CCDC192: variants seen among roughly 807,000 people sequenced by gnomAD.
CCDC192 encodes the protein coiled-coil domain containing 192.
At chr5:127,912,162 C>T (rs1753383267) in intron 6 of CCDC192, among the ~76,000 whole-genome samples, 1 of 151,026 alleles carries the variant, frequency 6.6e-6, no homozygotes, top group Non-Finnish European at 1.5e-5. Context: ...GAACTCCTGA[C>T]CTCATGATCC....
intron 5 of CCDC192, among the ~76,000 whole-genome samples, chr5:127,836,592 T>A (rs1750048049): frequency 6.6e-6 from 1 of 152,218 alleles, no homozygotes; most frequent in Non-Finnish European, 1.5e-5. Flanking sequence ...TCCTCTGAAA[T>A]CTAAGCAGAA....
chr5:127,776,842 C>T (rs1304147485), intron 3 of CCDC192, among the ~76,000 whole-genome samples: 28 of 152,198 alleles, frequency 1.8e-4, no homozygotes, highest in Admixed American at 1.7e-3. Flanking sequence ...TGGTGTTGAG[C>T]CTGCGCGTGC....
chr5:127,890,958 T>G (rs951214420), intron 6 of CCDC192, among the ~76,000 whole-genome samples: 1 of 152,182 alleles, frequency 6.6e-6, no homozygotes, highest in Admixed American at 6.5e-5. Context: ...CATGTTTTTT[T>G]CCCCATAGAT....
chr5:127,887,367 CAATAGGATGGCA>C, intron 6 of CCDC192, among the ~76,000 whole-genome samples: 1 of 144,744 alleles, frequency 6.9e-6, no homozygotes, highest in Non-Finnish European at 1.5e-5. Context: ...ATGTATAAGG[CAATAGGATGGCA>C]AAATTCTTTA....
At chr5:127,938,421 A>G (rs1249217628) in intron 6 of CCDC192, among the ~76,000 whole-genome samples, 3 of 152,126 alleles carry the variant, frequency 2.0e-5, no homozygotes, top group African/African-American at 7.2e-5. Flanking sequence ...CTCTCAAACA[A>G]TATCTGTGCA....
At chr5:127,822,596 G>A (rs372283999) in intron 5 of CCDC192, among the ~76,000 whole-genome samples, 6 of 152,188 alleles carry the variant, frequency 3.9e-5, no homozygotes, top group African/African-American at 1.4e-4. Context: ...TCTTTGCCAT[G>A]ATGTGGTCAG....
chr5:127,890,922 C>T (rs1230823951), intron 6 of CCDC192, among the ~76,000 whole-genome samples: 1 of 152,192 alleles, frequency 6.6e-6, no homozygotes, highest in Admixed American at 6.5e-5. Context: ...CTCAGATGAA[C>T]ACATAATTTT....
In CCDC192 at chr5:127,703,416, G is replaced by T. The variant is rs1750788105; in HGVS notation, c.-30G>T. On this transcript the variant is annotated 5_prime_UTR_variant, in exon 1 of 7. Transcript: ENST00000514853. ...GATGCCTGTTGACGTCTGTCCCAGG[G>T]ACAGGGGATCCCAGTGGGTCTGGCT... 5.0e-6 allele frequency: 2 copies of T among 398,886 alleles called. No individual in the cohort carries two copies. The highest frequency in any genetic ancestry group is 8.8e-6 in the Non-Finnish European group (2 of 226,078). The allele number at this position is 398,886 out of a possible 1,614,324, so 24.7% of individuals were successfully genotyped here.
At chr5:127,836,460 G>T (rs1043342020) in intron 5 of CCDC192, among the ~76,000 whole-genome samples, 1 of 152,184 alleles carries the variant, frequency 6.6e-6, no homozygotes, top group African/African-American at 2.4e-5. Flanking sequence ...GTGCCCCAGT[G>T]GGGACTCTGT....
intron 6 of CCDC192, among the ~76,000 whole-genome samples, chr5:127,939,687 G>T (rs1580848923): frequency 6.9e-6 from 1 of 144,858 alleles, no homozygotes; most frequent in Non-Finnish European, 1.5e-5. Context: ...TTATTTTTAT[G>T]TTTTTTTTTT....
intron 5 of CCDC192, among the ~76,000 whole-genome samples, chr5:127,823,425 G>A (rs913114857): frequency 1.5e-4 from 23 of 152,168 alleles, no homozygotes; most frequent in African/African-American, 5.1e-4. Flanking sequence ...ATGAGTGGGT[G>A]TCACATTTTA....
intron 5 of CCDC192, among the ~76,000 whole-genome samples, chr5:127,809,678 CAT>C (rs1248238137): frequency 1.3e-5 from 2 of 152,138 alleles, no homozygotes; most frequent in Middle Eastern, 3.2e-3. Context: ...GCTAGTATTG[CAT>C]ATAGTTTTAA....
intron 2 of CCDC192, among the ~76,000 whole-genome samples, chr5:127,717,425 A>G (rs1751684456): frequency 6.6e-6 from 1 of 151,962 alleles, no homozygotes; most frequent in Non-Finnish European, 1.5e-5. Flanking sequence ...TTCTCTGCAG[A>G]AAAAAGCTTC....
intron 5 of CCDC192, among the ~76,000 whole-genome samples, chr5:127,869,295 C>A (rs1487980641): frequency 6.6e-6 from 1 of 151,962 alleles, no homozygotes; most frequent in South Asian, 2.1e-4. Context: ...CTGCGTTCCA[C>A]CCTGGGCAAT....
intron 3 of CCDC192, among the ~76,000 whole-genome samples, chr5:127,761,774 T>C (rs1272464326): frequency 2.0e-5 from 3 of 152,208 alleles, no homozygotes; most frequent in Non-Finnish European, 4.4e-5. Context: ...TATATTTATG[T>C]GTATTGTTAT....
intron 6 of CCDC192, among the ~76,000 whole-genome samples, chr5:127,879,741 G>GA (rs1752269826): frequency 2.1e-5 from 2 of 93,864 alleles, no homozygotes; most frequent in East Asian, 3.0e-4. Context: ...AAATTTACAA[G>GA]AAAAAAACAA....
chr5:127,847,696 C>T (rs1025401515), intron 5 of CCDC192, among the ~76,000 whole-genome samples: 22 of 151,870 alleles, frequency 1.4e-4, no homozygotes, highest in African/African-American at 2.2e-4. Flanking sequence ...GTGGCAGGCA[C>T]CTGTAATCCC....
chr5:127,904,571 C>T (rs546547918), intron 6 of CCDC192, among the ~76,000 whole-genome samples: 5 of 148,484 alleles, frequency 3.4e-5, no homozygotes, highest in East Asian at 2.0e-4. Flanking sequence ...GGCATGATCT[C>T]GGCTCACTGC....
At chr5:127,866,723 C>T (rs1342421466) in intron 5 of CCDC192, among the ~76,000 whole-genome samples, 1 of 151,968 alleles carries the variant, frequency 6.6e-6, no homozygotes, top group Admixed American at 6.6e-5. Flanking sequence ...GCTTTTAACA[C>T]GGAAAACATG....
Sources: allele counts gnomAD v4.1 joint callset (sites outside exome capture counted in the v4.1 genomes callset), GRCh38; gene constraint gnomAD v4.1.1; transcripts MANE v1.5; gene names NCBI Gene and HGNC (gene_info 2026-07-23, HGNC 2026-07-21).